Variants in NYAP2 observed in about 807,000 individuals in gnomAD.
The protein encoded by NYAP2 is neuronal tyrosine-phosphorylated phosphoinositide-3-kinase adaptor 2.
A neutral mutation model predicts 50.4 loss-of-function variants in NYAP2; 23 were observed. The ratio of observed to expected loss-of-function variants is 0.46; its 90% CI spans 0.33 to 0.65. NYAP2 has a LOEUF of 0.65. NYAP2 is among the 30% of genes least tolerant of loss of function. The pLI is 0.02. For missense variants in NYAP2, 885 were observed against 861.0 expected (o/e 1.03, Z -0.35); for synonymous variants, 394 against 365.2 (o/e 1.08, Z -0.90).
chr2:225,585,022 A>T (rs1692364982), intron 5 of NYAP2, among the ~76,000 whole-genome samples: 1 of 152,208 alleles, frequency 6.6e-6, no homozygotes, highest in Non-Finnish European at 1.5e-5. Context: ...AACAGCATGT[A>T]ATGCACAAGA....
intron 3 of NYAP2, among the ~76,000 whole-genome samples, chr2:225,490,365 C>G (rs184528880): frequency 6.6e-6 from 1 of 152,308 alleles, no homozygotes; most frequent in East Asian, 1.9e-4. Flanking sequence ...ACATGAGACT[C>G]ATAATCATTA....
intron 3 of NYAP2, among the ~76,000 whole-genome samples, chr2:225,441,220 A>T (rs1381325649): frequency 1.3e-5 from 2 of 152,228 alleles, no homozygotes; most frequent in Non-Finnish European, 2.9e-5. Context: ...ACTACACAAT[A>T]GTCTACATTT....
At chr2:225,683,635 C>G in the NYAP2 span, among the ~76,000 whole-genome samples, 1 of 152,076 alleles carries the variant, frequency 6.6e-6, no homozygotes, top group Non-Finnish European at 1.5e-5. Flanking sequence ...TTTTAGACAA[C>G]AGGTAGATAG....
At chr2:225,612,795 T>TGGACATCACACCCAATGTGTGTGA (rs1692916202) in intron 5 of NYAP2, among the ~76,000 whole-genome samples, 2 of 54,202 alleles carry the variant, frequency 3.7e-5, no homozygotes, top group African/African-American at 5.8e-5. Flanking sequence ...GCCCCACCTT[T>TGGACATCACACCCAATGTGTGTGA]GGACATCACA....
intron 4 of NYAP2, among the ~76,000 whole-genome samples, chr2:225,561,588 G>A (rs1163274438): frequency 6.6e-6 from 1 of 152,058 alleles, no homozygotes; most frequent in African/African-American, 2.4e-5. Context: ...GATAAAGACA[G>A]GCAGGGCTGG....
intron 3 of NYAP2, among the ~76,000 whole-genome samples, chr2:225,430,470 G>T (rs1695349608): frequency 6.6e-6 from 1 of 152,162 alleles, no homozygotes; most frequent in African/African-American, 2.4e-5. Flanking sequence ...TCATGTATCA[G>T]ATATTCAATT....
At chr2:225,663,460 G>A in the NYAP2 span, among the ~76,000 whole-genome samples, 1 of 152,100 alleles carries the variant, frequency 6.6e-6, no homozygotes, top group African/African-American at 2.4e-5. Flanking sequence ...GTGTGACCTG[G>A]CCCTGGTTTT....
At chr2:225,470,162 C>G (rs1037277690) in intron 3 of NYAP2, among the ~76,000 whole-genome samples, 1 of 152,084 alleles carries the variant, frequency 6.6e-6, no homozygotes, top group African/African-American at 2.4e-5. Context: ...ACCCACCACA[C>G]AGTGAAAAAA....
chr2:225,479,776 A>G (rs1433689459), intron 3 of NYAP2, among the ~76,000 whole-genome samples: 1 of 152,112 alleles, frequency 6.6e-6, no homozygotes, highest in Non-Finnish European at 1.5e-5. Context: ...AAATTTAGCT[A>G]AATTGTTAGG....
the NYAP2 span, among the ~76,000 whole-genome samples, chr2:225,691,528 A>G: frequency 6.6e-6 from 1 of 152,282 alleles, no homozygotes. Context: ...AGATATATGT[A>G]AAAAAGCCAT....
intron 2 of NYAP2, among the ~76,000 whole-genome samples, chr2:225,403,759 T>G (rs1165267773): frequency 6.6e-6 from 1 of 151,982 alleles, no homozygotes; most frequent in Non-Finnish European, 1.5e-5. Context: ...GCTACTGGAC[T>G]AACTTACTCA....
chr2:225,622,586 C>CTT, intron 5 of NYAP2, among the ~76,000 whole-genome samples: 1 of 103,622 alleles, frequency 9.7e-6, no homozygotes, highest in East Asian at 2.6e-4. Flanking sequence ...TTTCTTCTTT[C>CTT]TTTTTTTTTT....
At chr2:225,528,353 C>T (rs1691191372) in intron 4 of NYAP2, among the ~76,000 whole-genome samples, 1 of 152,118 alleles carries the variant, frequency 6.6e-6, no homozygotes, top group East Asian at 1.9e-4. Context: ...ATATAATTCC[C>T]TTCCCTATTT....
At chr2:225,657,162 G>T (rs188008467), downstream of NYAP2, among the ~76,000 whole-genome samples, 10 of 142,168 alleles carry the variant, frequency 7.0e-5, no homozygotes, top group Admixed American at 7.4e-4. Context: ...CTAGGCTGGC[G>T]TGCAATGATG....
At chr2:225,518,787 G>A (rs1690989448) in intron 4 of NYAP2, among the ~76,000 whole-genome samples, 1 of 151,602 alleles carries the variant, frequency 6.6e-6, no homozygotes, top group East Asian at 1.9e-4. Context: ...AGGAGGCCTA[G>A]ACAGGTGGAT....
At chr2:225,415,559 T>C (rs1695109334) in intron 3 of NYAP2, among the ~76,000 whole-genome samples, 1 of 152,184 alleles carries the variant, frequency 6.6e-6, no homozygotes, top group Middle Eastern at 3.2e-3. Flanking sequence ...CAGTAGACTT[T>C]GTGGAAATAG....
intron 5 of NYAP2, among the ~76,000 whole-genome samples, chr2:225,623,320 A>G (rs1693156091): frequency 6.6e-6 from 1 of 152,214 alleles, no homozygotes; most frequent in South Asian, 2.1e-4. Flanking sequence ...ATGAATTGCA[A>G]CCTAACTTAG....
At chr2:225,613,183 G>A (rs538899499) in intron 5 of NYAP2, among the ~76,000 whole-genome samples, 2 of 152,276 alleles carry the variant, frequency 1.3e-5, no homozygotes, top group Non-Finnish European at 2.9e-5. Context: ...AGCCTACAGT[G>A]CAGGCTTTAG....
At chr2:225,652,125 A>T (rs1008764004) in exon 7 of NYAP2, 11 of 152,246 alleles carry the variant, frequency 7.2e-5, no homozygotes, top group African/African-American at 2.4e-4. Context: ...AAATATTCAT[A>T]TCCCGATTCA....
Sources: gnomAD v4.1 joint callset for allele counts (sites outside exome capture counted in the v4.1 genomes callset) on GRCh38, gnomAD v4.1.1 for gene constraint, MANE v1.5 for transcripts, NCBI Gene and HGNC (gene_info 2026-07-23, HGNC 2026-07-21) for gene names.